The following UBXN11 variants were observed in gnomAD, a reference collection of about 807,000 sequenced individuals.
The protein encoded by UBXN11 is UBX domain-containing protein 11.
UBXN11 carries 47 observed loss-of-function variants against 62.8 expected under a neutral mutation model. The observed-to-expected ratio is 0.75, with a 90% CI of 0.59 to 0.95. The LOEUF (loss-of-function observed/expected upper bound fraction) is 0.95, where lower values mean the gene tolerates loss of function less well. Among genes scored for constraint, UBXN11 ranks in the 40% least tolerant of loss-of-function variants. UBXN11 has a pLI of 0.00. For synonymous variants in UBXN11, 294 were observed against 267.0 expected (o/e 1.10, Z -0.99); for missense variants, 638 against 661.7 (o/e 0.96, Z 0.39).
intron 10 of UBXN11, 160 bp from the exon 11 acceptor site, chr1:26,284,642 ACTG>A: frequency 7.2e-7 from 1 of 1,389,832 alleles, no homozygotes; most frequent in South Asian, 1.6e-5. Context: ...CACGGTTCGT[ACTG>A]CTGTCATCTC....
At chr1:26,297,068 C>A in intron 6 of UBXN11, 73 bp from the exon 7 acceptor site, 1 of 1,504,358 alleles carries the variant, frequency 6.6e-7, no homozygotes, top group South Asian at 1.2e-5. Context: ...CCCTGAGGGT[C>A]ATCTGGAGAA....
intron 2 of UBXN11, among the ~76,000 whole-genome samples, chr1:26,302,362 T>TAAAA (rs56003085): frequency 0.025 from 1,713 of 69,494 alleles, 49 homozygotes; most frequent in Middle Eastern, 0.053. Context: ...ACTTGGTCTT[T>TAAAA]AAAAAAAAAA....
intron 10 of UBXN11, chr1:26,285,112 G>A (rs2073096936): frequency 1.9e-6 from 2 of 1,066,220 alleles, no homozygotes; most frequent in East Asian, 8.1e-5. Flanking sequence ...TCACAGCACT[G>A]CCTCCCACCC....
chr1:26,315,960 CTT>C (rs34193565), intron 1 of UBXN11, among the ~76,000 whole-genome samples: 1 of 114,530 alleles, frequency 8.7e-6, no homozygotes. Context: ...GTTTCCTGGC[CTT>C]TTTTTTTTTT....
intron 8 of UBXN11, among the ~76,000 whole-genome samples, chr1:26,287,006 G>A (rs2073148202): frequency 6.6e-6 from 1 of 152,100 alleles, no homozygotes; most frequent in Non-Finnish European, 1.5e-5. Context: ...GCTGAGGCAG[G>A]GGTTATTTAG....
At chr1:26,316,953 G>A (rs1170613343) in intron 1 of UBXN11, among the ~76,000 whole-genome samples, 1 of 151,928 alleles carries the variant, frequency 6.6e-6, no homozygotes, top group African/African-American at 2.4e-5. Context: ...TCTTGGCTGG[G>A]CGCGGTGGCT....
At chr1:26,314,507 A>C (rs2073772420) in intron 1 of UBXN11, among the ~76,000 whole-genome samples, 1 of 152,150 alleles carries the variant, frequency 6.6e-6, no homozygotes, top group Non-Finnish European at 1.5e-5. Flanking sequence ...TCAGTCCCTT[A>C]TTTCTTTTCT....
At chr1:26,309,167 T>C (rs1399268898), upstream of UBXN11, among the ~76,000 whole-genome samples, 1 of 151,950 alleles carries the variant, frequency 6.6e-6, no homozygotes, top group Non-Finnish European at 1.5e-5. Flanking sequence ...TCTCCTGACC[T>C]TGTGATCCGC....
chr1:26,314,068 C>A (rs2073768560), intron 1 of UBXN11, among the ~76,000 whole-genome samples: 1 of 152,162 alleles, frequency 6.6e-6, no homozygotes, highest in African/African-American at 2.4e-5. Flanking sequence ...GTGTTAGCCA[C>A]CGCGCCCGGC....
At chr1:26,298,602 G>A (rs2073452617) in intron 4 of UBXN11, among the ~76,000 whole-genome samples, 1 of 151,812 alleles carries the variant, frequency 6.6e-6, no homozygotes, top group African/African-American at 2.4e-5. Flanking sequence ...AACCAGCCTG[G>A]CCAACATGGT....
At chr1:26,305,181 A>C (rs935602314) in intron 1 of UBXN11, among the ~76,000 whole-genome samples, 5 of 151,552 alleles carry the variant, frequency 3.3e-5, no homozygotes, top group East Asian at 1.9e-4. Context: ...GCTCACTGCA[A>C]CCTCCGCCTC....
chr1:26,313,377 T>A (rs2073762201), intron 1 of UBXN11, among the ~76,000 whole-genome samples: 1 of 152,180 alleles, frequency 6.6e-6, no homozygotes, highest in South Asian at 2.1e-4. Context: ...TTCCTCTGAG[T>A]GGTCTTTCCT....
intron 8 of UBXN11, among the ~76,000 whole-genome samples, chr1:26,291,418 A>C (rs1378347340): frequency 6.6e-6 from 1 of 152,182 alleles, no homozygotes; most frequent in East Asian, 1.9e-4. Context: ...AAGAGAACGC[A>C]CGGAGGGACC....
At chr1:26,296,783 G>A (rs2073403667) in intron 7 of UBXN11, 136 bp downstream of exon 7, 2 of 909,346 alleles carry the variant, frequency 2.2e-6, no homozygotes, top group Non-Finnish European at 3.3e-6. Context: ...GTAGGGAAAT[G>A]CAGGGCAGGG....
intron 10 of UBXN11, chr1:26,285,017 C>G: frequency 7.0e-6 from 7 of 1,003,926 alleles, no homozygotes; most frequent in Non-Finnish European, 8.3e-6. Flanking sequence ...CTCATGGGCT[C>G]TGGTGGTGGC....
Position 26,294,248 on chromosome 1 carries a change from A to T in UBXN11, c.516T>A (p.His172Gln). 6.2e-7 allele frequency: 1 copy of T among 1,614,170 alleles called. No homozygotes were observed. Residue 172 changes from histidine to glutamine, a missense_variant, in exon 8 of 15, where the codon CAT becomes CAA. Physicochemically the swap from His to Gln is conservative, Grantham distance 24 (BLOSUM62 0). Coordinates refer to ENST00000374222, the MANE Select transcript of UBXN11 (RefSeq NM_001389556.1). ...EDSESKTVSEHGERDWMTAKK... is the reference protein window; with the variant it reads ...EDSESKTVSEQGERDWMTAKK... ...TGGCTGTCATCCAGTCCCTCTCGCC[A>T]TGCTCTGAGACTGTCTTGCTCTCTG...
chr1:26,303,652 GAC>G (rs2073593954), intron 1 of UBXN11, among the ~76,000 whole-genome samples: 1 of 61,098 alleles, frequency 1.6e-5, no homozygotes, highest in Non-Finnish European at 3.8e-5. Context: ...AAAAAAAAAA[GAC>G]ACAGTCCATG....
chr1:26,294,410 C>T, intron 7 of UBXN11, 79 bp from the exon 8 acceptor site: 1 of 1,561,816 alleles, frequency 6.4e-7, no homozygotes, highest in South Asian at 1.2e-5. Flanking sequence ...GCCCAAAGCC[C>T]AGCCTCAGTC....
chr1:26,282,322 C>CGGG lies in UBXN11; in HGVS notation c.1539_1540insCCC (p.Pro513dup). ...CTTTATTGGGGGCTGGGACTGGGTC[C>CGGG]AGGACAGGGACTGGGGCCGGGACCG... On this transcript the variant is annotated inframe_insertion, in exon 15 of 15. Transcript: ENST00000374222. 1.0e-5 allele frequency: 8 copies of CGGG among 775,964 alleles called. No individual in the cohort carries two copies. The highest frequency in any genetic ancestry group is 1.2e-5 in the Non-Finnish European group (7 of 601,664). 48.1% of individuals were successfully genotyped at this position (775,964 alleles called of 1,614,324 possible). A position where few individuals can be genotyped will look rare whatever the true frequency, so the allele number is the denominator to read the frequency against.
Sources: gnomAD v4.1 joint callset for allele counts (sites outside exome capture counted in the v4.1 genomes callset) on GRCh38, gnomAD v4.1.1 for gene constraint, MANE v1.5 for transcripts, NCBI Gene and HGNC (gene_info 2026-07-23, HGNC 2026-07-21) for gene names.